CDK14: variants seen among roughly 807,000 people sequenced by gnomAD.
The protein encoded by CDK14 is cyclin-dependent kinase 14.
Under a neutral mutation model 60.7 loss-of-function variants are expected in CDK14, and 34 were observed. That is an observed-to-expected ratio of 0.56 (90% CI 0.43 to 0.75). CDK14 has a LOEUF of 0.75. Among genes scored for constraint, CDK14 ranks in the 30% least tolerant of loss-of-function variants. The pLI, the probability that CDK14 is intolerant of heterozygous loss-of-function variation, is 0.00. For synonymous variants in CDK14, 197 were observed against 203.7 expected, an observed-to-expected ratio of 0.97 and a Z score of 0.28; for missense variants, 482 against 564.1, an observed-to-expected ratio of 0.85 and a Z score of 1.47.
intron 11 of CDK14, among the ~76,000 whole-genome samples, chr7:91,067,203 G>A (rs937218966): frequency 1.3e-5 from 2 of 152,108 alleles, no homozygotes; most frequent in Non-Finnish European, 2.9e-5. Flanking sequence ...AAAACTTAAC[G>A]TGGCTAATTA....
chr7:90,758,963 C>T lies in CDK14; in HGVS notation c.464+11188C>T, dbSNP rs1037834053. On this transcript the variant is annotated intron_variant, in intron 4 of 14. Coordinates refer to ENST00000380050, the MANE Select transcript of CDK14 (RefSeq NM_001287135.2). The stretch of plus-strand genomic sequence containing the variant: ...CCCAGCTACTCGGAAGGCTGAGGCA[C>T]GAGAGTCACTCAAACCCGGGAGGCA... Among the ~76,000 whole-genome samples, 8 of 150,208 alleles carry T rather than the reference C, an allele frequency of 5.3e-5. No individual in the cohort carries two copies. The South Asian group carries it at 1.0e-3, about 20-fold the overall frequency.
intron 10 of CDK14, among the ~76,000 whole-genome samples, chr7:91,025,552 A>C (rs1351927397): frequency 6.6e-6 from 1 of 152,200 alleles, no homozygotes; most frequent in Non-Finnish European, 1.5e-5. Flanking sequence ...TCTTGGACTC[A>C]AGTGTGGTAC....
intron 6 of CDK14, among the ~76,000 whole-genome samples, chr7:90,883,292 A>AC (rs1447412594): frequency 6.6e-6 from 1 of 152,192 alleles, no homozygotes; most frequent in African/African-American, 2.4e-5. Context: ...AGAAATACAG[A>AC]CTACCATCAG....
intron 2 of CDK14, among the ~76,000 whole-genome samples, chr7:90,634,029 A>C (rs867175782): frequency 6.6e-6 from 1 of 152,198 alleles, no homozygotes; most frequent in Non-Finnish European, 1.5e-5. Flanking sequence ...TTTGTATAAA[A>C]TTGCTGTTTA....
rs184420367 is a variant in CDK14, at chr7:90,702,259, C to T, written c.124-24308C>T. ...TCCACAAGGGATGGCAAAAAGGATT[C>T]GACTAATATTTGGGTGCTGCTGTTG... On this transcript the variant is annotated intron_variant, in intron 2 of 14. Coordinates refer to ENST00000380050, the MANE Select transcript of CDK14 (RefSeq NM_001287135.2). Among the ~76,000 whole-genome samples, 35 of 152,198 alleles carry T rather than the reference C, an allele frequency of 2.3e-4. 1 individual carries two copies. Among genetic ancestry groups the T allele is most frequent in the African/African-American group, 7.7e-4 (32 of 41,528 alleles).
intron 6 of CDK14, among the ~76,000 whole-genome samples, chr7:90,895,651 C>G (rs1792312904): frequency 6.9e-6 from 1 of 144,108 alleles, no homozygotes; most frequent in African/African-American, 2.6e-5. Flanking sequence ...ACCTCCGTCT[C>G]TCGTGTTCAA....
chr7:90,816,349 A>G (rs3808233), intron 5 of CDK14, among the ~76,000 whole-genome samples: 66,142 of 152,002 alleles, frequency 0.44, 15,189 homozygotes, highest in East Asian at 0.82. Context: ...TGCTCCTGAA[A>G]GTTTTCTAAT....
intron 14 of CDK14, among the ~76,000 whole-genome samples, chr7:91,183,679 T>G (rs762553271): frequency 1.3e-4 from 20 of 152,236 alleles, no homozygotes; most frequent in Non-Finnish European, 2.8e-4. Context: ...CTCTGAGATC[T>G]GAACTGACAC....
At chr7:90,609,674 C>T (rs889918922) in intron 2 of CDK14, among the ~76,000 whole-genome samples, 13 of 152,142 alleles carry the variant, frequency 8.5e-5, no homozygotes, top group Non-Finnish European at 1.8e-4. Context: ...CCTGCATATC[C>T]GTGAGCCAAT....
chr7:90,757,256 G>GTGTGTGTC (rs1554330398), intron 4 of CDK14, among the ~76,000 whole-genome samples: 100 of 147,516 alleles, frequency 6.8e-4, no homozygotes, highest in Admixed American at 9.7e-4. Flanking sequence ...GTGTGTCTGT[G>GTGTGTGTC]TGTGTCTGTG....
intron 2 of CDK14, among the ~76,000 whole-genome samples, chr7:90,669,751 A>G (rs1162339319): frequency 6.6e-6 from 1 of 151,550 alleles, no homozygotes; most frequent in Non-Finnish European, 1.5e-5. Flanking sequence ...ATACAGATCT[A>G]GTGGTTGGAA....
At chr7:91,046,612 A>T (rs1465113995) in intron 11 of CDK14, among the ~76,000 whole-genome samples, 1 of 152,140 alleles carries the variant, frequency 6.6e-6, no homozygotes. Flanking sequence ...TTTATAAGAG[A>T]AGGGAAAGGT....
Position 90,645,281 on chromosome 7 carries a change from C to T in CDK14, c.123+41032C>T, listed in dbSNP as rs147215527. ...GGTATTAATATTTTGATTATGGAAA[C>T]GGACTTTGGGCCTATGCTTGGCTTA... On this transcript the variant is annotated intron_variant, in intron 2 of 14. Transcript: ENST00000380050. 1.9e-3 allele frequency among the ~76,000 whole-genome samples: 293 copies of T among 152,198 alleles called. 1 individual carries two copies. Among genetic ancestry groups the T allele is most frequent in the African/African-American group, 6.4e-3 (266 of 41,550 alleles).
At chr7:90,820,539 TCTC>T (rs559683287) in intron 5 of CDK14, among the ~76,000 whole-genome samples, 1 of 152,256 alleles carries the variant, frequency 6.6e-6, no homozygotes, top group Admixed American at 6.5e-5. Context: ...ATGCCTTTCT[TCTC>T]CTTCACCTTC....
chr7:90,907,815 T>C lies in CDK14; in HGVS notation c.702+8462T>C, dbSNP rs767001798. 1.2e-4 allele frequency among the ~76,000 whole-genome samples: 18 copies of C among 152,234 alleles called. No individual in the cohort carries two copies. The Middle Eastern group carries it at 0.017, about 145-fold the overall frequency. On this transcript the variant is annotated intron_variant, in intron 7 of 14. Transcript: ENST00000380050. ...ATAGACCAGAGAACAAGCAGGTGTATAACAGACAGAATTATGCTATGCCAA... is the reference window on the plus strand; with the variant it reads ...ATAGACCAGAGAACAAGCAGGTGTACAACAGACAGAATTATGCTATGCCAA...
At chr7:90,611,831 G>GTTT (rs752667605) in intron 2 of CDK14, among the ~76,000 whole-genome samples, 72 of 128,258 alleles carry the variant, frequency 5.6e-4, no homozygotes, top group East Asian at 8.7e-4. Flanking sequence ...ATCTTTGTGT[G>GTTT]TTTTTTTTTT....
intron 5 of CDK14, among the ~76,000 whole-genome samples, chr7:90,839,678 G>A (rs544631353): frequency 3.3e-5 from 5 of 152,200 alleles, no homozygotes; most frequent in Non-Finnish European, 7.4e-5. Flanking sequence ...TCTTCCAAAT[G>A]GTATCATAGG....
At chr7:91,058,941 C>G (rs902245541) in intron 11 of CDK14, among the ~76,000 whole-genome samples, 1 of 152,190 alleles carries the variant, frequency 6.6e-6, no homozygotes, top group African/African-American at 2.4e-5. Flanking sequence ...GGAGGATTTC[C>G]TCTTTTTCTA....
intron 14 of CDK14, among the ~76,000 whole-genome samples, chr7:91,150,340 C>G (rs553038581): frequency 2.6e-5 from 4 of 152,238 alleles, no homozygotes; most frequent in Non-Finnish European, 5.9e-5. Context: ...AATAGATTAA[C>G]CAATTAATTA....
Sources: allele counts gnomAD v4.1 joint callset (sites outside exome capture counted in the v4.1 genomes callset), GRCh38; gene constraint gnomAD v4.1.1; transcripts MANE v1.5; gene names NCBI Gene and HGNC (gene_info 2026-07-23, HGNC 2026-07-21).